Variants in ATP4A observed in about 807,000 individuals in gnomAD.
The protein encoded by ATP4A is ATPase H+/K+ transporting subunit alpha, also known as potassium-transporting ATPase alpha chain 1.
A neutral mutation model predicts 112.1 loss-of-function variants in ATP4A; 73 were observed. That is an observed-to-expected ratio of 0.65 (90% CI 0.54 to 0.79). The LOEUF (loss-of-function observed/expected upper bound fraction) is 0.79, where lower values mean the gene tolerates loss of function less well. Ranked by LOEUF, ATP4A falls within the 30% of genes least tolerant of loss-of-function variation. The pLI, the probability that ATP4A is intolerant of heterozygous loss-of-function variation, is 0.00. For synonymous variants in ATP4A, 588 were observed against 588.9 expected (o/e 1.00, Z 0.02); for missense variants, 1,081 against 1,425.9 (o/e 0.76, Z 3.90).
Position 35,559,240 on chromosome 19 carries a change from G to C in ATP4A, c.1057-49C>G. On this transcript the variant is annotated intron_variant, in intron 7 of 21. Coordinates refer to ENST00000262623, the MANE Select transcript of ATP4A (RefSeq NM_000704.3). This position sits in a 1 kb window ranked among gnomAD's most constrained non-coding sequence, Gnocchi z 4.1. Reference sequence around the variant, plus strand: ...GGCTGGGGACCCACCCTGGCTTCCAGTCCTCTTCCCCGCGTCAAAGAACGG... The same window carrying C: ...GGCTGGGGACCCACCCTGGCTTCCACTCCTCTTCCCCGCGTCAAAGAACGG... The C allele has an allele frequency of 6.3e-7, 1 of 1,590,916 alleles. No homozygotes were observed. The highest frequency in any genetic ancestry group is 8.6e-7 in the Non-Finnish European group (1 of 1,162,854).
In ATP4A at chr19:35,563,391, A is replaced by G. The variant is rs200082565; in HGVS notation, c.149T>C (p.Met50Thr). Reference protein sequence around the residue: ...KEKLENMKKEMEINDHQLSVA... With the variant: ...KEKLENMKKETEINDHQLSVA... ...TCCCCAGTCAGAGCTCACAATCTCC[A>G]TCTCCTTCTTCATGTTCTCCAGCTT... Residue 50 changes from methionine to threonine, a missense_variant, in exon 2 of 22, where the codon ATG (methionine) becomes ACG (threonine). This residue lies in a region of ATP4A where 850 missense variants were observed against 1,068.2 expected (regional missense o/e 0.80). Coordinates refer to ENST00000262623, the MANE Select transcript of ATP4A (RefSeq NM_000704.3). 37 of 1,547,090 alleles carry G rather than the reference A, an allele frequency of 2.4e-5. No individual in the cohort carries two copies. Among genetic ancestry groups the G allele is most frequent in the Non-Finnish European group, 3.2e-5 (37 of 1,145,846 alleles).
At chr19:35,563,138 C>T in intron 3 of ATP4A, 71 bp downstream of exon 3, 2 of 1,552,794 alleles carry the variant, frequency 1.3e-6, no homozygotes, top group Non-Finnish European at 1.8e-6. Flanking sequence ...CTCTCCATCT[C>T]CCTCCTTCCA....
rs200242046 is a variant in ATP4A at position 35,559,922 on chromosome 19, G to A, written c.939C>T (p.Phe313=). ...TGGCCACAATAAAAAATGTGGCACCGAAGAGAATGGCCAGGCCCGCGATGA... is the reference window on the plus strand; with the variant it reads ...TGGCCACAATAAAAAATGTGGCACCAAAGAGAATGGCCAGGCCCGCGATGA... The part of the protein sequence containing the change: ...VDIIAGLAIL[F]GATFFIVAMC... The change falls in exon 7 of 22, where the codon TTC becomes TTT. Residue 313 remains phenylalanine, a synonymous_variant. Transcript: ENST00000262623. The surrounding 1 kb of genome is among the most constrained non-coding windows in gnomAD (Gnocchi z 4.1). The A allele has an allele frequency of 5.0e-5, 81 of 1,614,100 alleles. No homozygotes were observed. The highest frequency in any genetic ancestry group is 6.7e-5 in the African/African-American group (5 of 74,922).
chr19:35,557,842 G>A lies in ATP4A; in HGVS notation c.1506C>T (p.Ser502=), dbSNP rs1359401434. 6.6e-7 allele frequency: 1 copy of A among 1,514,792 alleles called. No homozygotes were observed. Among genetic ancestry groups the A allele is most frequent in the African/African-American group, 1.4e-5 (1 of 71,856 alleles). The allele number at this position is 1,514,792 out of a possible 1,614,324, so 93.8% of individuals were successfully genotyped here. Residue 502 remains serine, a synonymous_variant, in exon 11 of 22, where the codon TCC becomes TCT. Transcript: ENST00000262623. The surrounding 1 kb of genome is among the most constrained non-coding windows in gnomAD (Gnocchi z 4.4). ...PFNSTNKFQL[S]IHTLEDPRDP... ...CCCGCGGGTCCTCCAGCGTATGGAT[G>A]GACAGCTGTGGGCGGGGGGGAGAGG...
rs1385325395 is a variant in ATP4A at position 35,560,079 on chromosome 19, G to C, written c.788-6C>G. On this transcript the variant is annotated splice_polypyrimidine_tract_variant and splice_region_variant and intron_variant, in intron 6 of 21. Coordinates refer to ENST00000262623, the MANE Select transcript of ATP4A (RefSeq NM_000704.3). The surrounding 1 kb of genome is among the most constrained non-coding windows in gnomAD (Gnocchi z 5.1). ...CACCAGGCCCTGCACGGTGCCTGCA[G>C]GGGGGCCAAGGCGCGACTCAGGGAT... 6.2e-7 allele frequency: 1 copy of C among 1,609,554 alleles called. No homozygotes were observed.
rs182728369 is a variant in ATP4A, at chr19:35,550,778, G to A, written c.3079+56C>T. On this transcript the variant is annotated intron_variant, in intron 21 of 21. Coordinates refer to ENST00000262623, the MANE Select transcript of ATP4A (RefSeq NM_000704.3). The surrounding 1 kb of genome is among the most constrained non-coding windows in gnomAD (Gnocchi z 4.1). Reference sequence around the variant, plus strand: ...CAAGTGTTGAGGATCAAAGGTGGGTGCAGCTGCTCAAACGTTTCAGTCCCC... The same window carrying A: ...CAAGTGTTGAGGATCAAAGGTGGGTACAGCTGCTCAAACGTTTCAGTCCCC... 246 of 1,609,996 alleles carry A rather than the reference G, an allele frequency of 1.5e-4. 1 individual carries two copies. The East Asian group carries it at 5.4e-3, about 35-fold the overall frequency.
At chr19:35,552,346 A>C (rs2071606700) in intron 18 of ATP4A, among the ~76,000 whole-genome samples, 1 of 152,172 alleles carries the variant, frequency 6.6e-6, no homozygotes, top group Admixed American at 6.5e-5. Context: ...TTGAACATGC[A>C]TGAGAATCCC....
In ATP4A at chr19:35,557,535, G is replaced by C; in HGVS notation, c.1693+120C>G. ...AAAGTCAAGGGTGAGGCTGTGGACT[G>C]CGACAAATCAGCCAGCAGCCAGGGA... is the stretch of plus-strand genomic sequence containing the variant. On this transcript the variant is annotated intron_variant, in intron 11 of 21. Coordinates refer to ENST00000262623, the MANE Select transcript of ATP4A (RefSeq NM_000704.3). The surrounding 1 kb of genome is among the most constrained non-coding windows in gnomAD (Gnocchi z 4.4). 8.0e-7 allele frequency: 1 copy of C among 1,249,030 alleles called. No individual in the cohort carries two copies. The allele number at this position is 1,249,030 out of a possible 1,614,324, so 77.4% of individuals were successfully genotyped here.
In ATP4A at chr19:35,562,528, C is replaced by T. The variant is rs556287599; in HGVS notation, c.327G>A (p.Gly109=). 28 of 1,613,922 alleles carry T rather than the reference C, an allele frequency of 1.7e-5. No individual in the cohort carries two copies. The African/African-American group carries it at 3.2e-4, about 18-fold the overall frequency. ...CAACCCACATGAGGCACTGCAGGCC[C>T]CCGGCCAGCTGCCTCGCGAACTTGA... ...EYVKFARQLA[G]GLQCLMWVAA... Residue 109 remains glycine (G), a synonymous_variant, in exon 4 of 22, where the codon GGG becomes GGA. Transcript: ENST00000262623.
chr19:35,558,985 C>G lies in ATP4A; in HGVS notation c.1255+8G>C. The G allele has an allele frequency of 1.2e-6, 2 of 1,614,042 alleles. No individual in the cohort carries two copies. Among genetic ancestry groups the G allele is most frequent in the Non-Finnish European group, 1.7e-6 (2 of 1,179,924 alleles). On this transcript the variant is annotated splice_region_variant and intron_variant, in intron 8 of 21. Transcript: ENST00000262623. This position sits in a 1 kb window ranked among gnomAD's most constrained non-coding sequence, Gnocchi z 5.1. ...TGCCCTGGCGCCTGTGCCCTCCCTC[C>G]CCCACACCTGACTGGTCTTCCGTGG... is the stretch of plus-strand genomic sequence containing the variant.
In ATP4A at chr19:35,550,865, G is replaced by C. The variant is rs1568312572; in HGVS notation, c.3048C>G (p.Ile1016Met). The C allele has an allele frequency of 6.2e-7, 1 of 1,614,202 alleles. No homozygotes were observed. The highest frequency in any genetic ancestry group is 8.5e-7 in the Non-Finnish European group (1 of 1,180,038). Reference sequence around the variant, plus strand: ...GGCAACAGCGAACTCCAAGCTTCCGGATCTCATCATAGACGAAGATGAGGA... The same window carrying C: ...GGCAACAGCGAACTCCAAGCTTCCGCATCTCATCATAGACGAAGATGAGGA... ...YGILIFVYDEIRKLGVRCCPG... is the reference protein window; with the variant it reads ...YGILIFVYDEMRKLGVRCCPG... Residue 1016 changes from isoleucine (I) to methionine (M), a missense_variant, in exon 21 of 22, where the codon ATC (isoleucine) becomes ATG (methionine). Physicochemically the swap from Ile to Met is conservative, Grantham distance 10 (BLOSUM62 1). Around this residue, in one of 3 missense-constraint regions of ATP4A, gnomAD observed 219 missense variants for 320.9 expected, o/e 0.68. Transcript: ENST00000262623. This position sits in a 1 kb window ranked among gnomAD's most constrained non-coding sequence, Gnocchi z 4.1.
chr19:35,561,076 T>TGTA, intron 4 of ATP4A, 144 bp from the exon 5 acceptor site: 1 of 666,606 alleles, frequency 1.5e-6, no homozygotes. Context: ...CACCATTCCC[T>TGTA]GTAGCCTTTA....
chr19:35,558,414 T>G lies in ATP4A; in HGVS notation c.1448A>C (p.Asp483Ala). ...TATCTCGCAGACTTTTGGGAAGCGG[T>G]CCCGGTAGCCCATGGCGTTGCCCAG... ...LTLGNAMGYR[D>A]RFPKVCEIPF... The change falls in exon 10 of 22, where the codon GAC (aspartate) becomes GCC (alanine). Residue 483 changes from aspartate (D) to alanine (A), a missense_variant. Coordinates refer to ENST00000262623, the MANE Select transcript of ATP4A (RefSeq NM_000704.3). The surrounding 1 kb of genome is among the most constrained non-coding windows in gnomAD (Gnocchi z 5.1). 2 of 1,610,652 alleles carry G rather than the reference T, an allele frequency of 1.2e-6. No homozygotes were observed. Among genetic ancestry groups the G allele is most frequent in the South Asian group, 2.2e-5 (2 of 90,364 alleles).
Position 35,560,958 on chromosome 19 carries a change from A to G in ATP4A, c.421-26T>C, listed in dbSNP as rs781598083. 1.2e-6 allele frequency: 2 copies of G among 1,604,350 alleles called. No homozygotes were observed. Among genetic ancestry groups the G allele is most frequent in the Admixed American group, 3.3e-5 (2 of 59,974 alleles). On this transcript the variant is annotated intron_variant, in intron 4 of 21. Transcript: ENST00000262623. The surrounding 1 kb of genome is among the most constrained non-coding windows in gnomAD (Gnocchi z 5.1). ...CTGGGGACAGGGAAGGGGTGGGGTT[A>G]TTCAGAGGGGCCGGAAGCTGCCTGC...
intron 3 of ATP4A, 48 bp from the exon 4 acceptor site, chr19:35,562,686 A>C: frequency 1.3e-6 from 2 of 1,514,808 alleles, no homozygotes; most frequent in Admixed American, 2.0e-5. Flanking sequence ...TTTCCTCCAC[A>C]TGCACACCCC....
chr19:35,558,738 G>T lies in ATP4A; in HGVS notation c.1256-52C>A. On this transcript the variant is annotated intron_variant, in intron 8 of 21. Transcript: ENST00000262623. This position sits in a 1 kb window ranked among gnomAD's most constrained non-coding sequence, Gnocchi z 5.1. Reference sequence around the variant, plus strand: ...CCCGCACGGCGGCTCTCCCGGACCAGAACCGAGCCCCCTCCTCCTAGGCTC... The same window carrying T: ...CCCGCACGGCGGCTCTCCCGGACCATAACCGAGCCCCCTCCTCCTAGGCTC... 1 of 1,513,586 alleles carries T rather than the reference G, an allele frequency of 6.6e-7. No individual in the cohort carries two copies. Among genetic ancestry groups the T allele is most frequent in the Non-Finnish European group, 8.9e-7 (1 of 1,127,044 alleles). 93.8% of individuals were successfully genotyped at this position (1,513,586 alleles called of 1,614,324 possible).
rs768080559 is a variant in ATP4A, at chr19:35,562,522, C to T, written c.333G>A (p.Leu111=). 2 of 1,613,912 alleles carry T rather than the reference C, an allele frequency of 1.2e-6. No individual in the cohort carries two copies. The highest frequency in any genetic ancestry group is 1.6e-4 in the Middle Eastern group (1 of 6,084). ...VKFARQLAGG[L]QCLMWVAAAI... The stretch of plus-strand genomic sequence containing the variant: ...CGGCGGCAACCCACATGAGGCACTG[C>T]AGGCCCCCGGCCAGCTGCCTCGCGA... The change falls in exon 4 of 22, where the codon CTG becomes CTA. Residue 111 remains leucine, a synonymous_variant. Coordinates refer to ENST00000262623, the MANE Select transcript of ATP4A (RefSeq NM_000704.3).
chr19:35,558,171 CG>C lies in ATP4A; in HGVS notation c.1500+190del, dbSNP rs369479602. 4 of 758,476 alleles carry C rather than the reference CG, an allele frequency of 5.3e-6. No individual in the cohort carries two copies. The African/African-American group carries it at 7.3e-5, about 14-fold the overall frequency. The allele number at this position is 758,476 out of a possible 1,614,324, so 47.0% of individuals were successfully genotyped here. ...AGTCCCGCCGAGGAGAAGCTGTGGG[CG>C]GGGCTGGGTGGTGGGCGGGGCCTTG... On this transcript the variant is annotated intron_variant, in intron 10 of 21. Transcript: ENST00000262623. The surrounding 1 kb of genome is among the most constrained non-coding windows in gnomAD (Gnocchi z 5.1).
rs970632077 is a variant in ATP4A at position 35,557,093 on chromosome 19, C to T, written c.1694-5G>A. ...TCAGGTAGAGCTGGCAGAAGCCTGA[C>T]CGGAAACGGGGAAGTCAGGGAAGAG... On this transcript the variant is annotated splice_polypyrimidine_tract_variant and splice_region_variant and intron_variant, in intron 11 of 21. Coordinates refer to ENST00000262623, the MANE Select transcript of ATP4A (RefSeq NM_000704.3). The surrounding 1 kb of genome is among the most constrained non-coding windows in gnomAD (Gnocchi z 4.4). 1.9e-6 allele frequency: 3 copies of T among 1,613,952 alleles called. No homozygotes were observed. The highest frequency in any genetic ancestry group is 2.5e-6 in the Non-Finnish European group (3 of 1,180,014).
Sources: allele counts gnomAD v4.1 joint callset (sites outside exome capture counted in the v4.1 genomes callset), GRCh38; gene constraint gnomAD v4.1.1; regional missense constraint gnomAD v4.1.1; non-coding constraint Gnocchi (gnomAD v3.1); transcripts MANE v1.5; gene names NCBI Gene and HGNC (gene_info 2026-07-23, HGNC 2026-07-21).